The following RNF213 variants were observed in gnomAD, a reference collection of about 807,000 sequenced individuals.
RNF213 encodes the protein E3 ubiquitin-protein ligase RNF213.
In RNF213, 341 loss-of-function variants were observed where a neutral mutation model predicts 514.4. That is an observed-to-expected ratio of 0.66 (90% CI 0.61 to 0.73). RNF213 has a LOEUF of 0.73. RNF213 is among the 30% of genes least tolerant of loss of function. The probability of loss-of-function intolerance (pLI) is 0.00; values close to 1 mark genes in which losing one functional copy is unlikely to be tolerated. For missense variants in RNF213, 5,767 were observed against 6,615.6 expected (o/e 0.87, Z 4.45); for synonymous variants, 2,655 against 2,658.2 (o/e 1.00, Z 0.04).
intron 2 of RNF213, among the ~76,000 whole-genome samples, chr17:80,267,692 A>G (rs994899181): frequency 6.6e-5 from 10 of 152,230 alleles, no homozygotes; most frequent in Non-Finnish European, 1.0e-4. Flanking sequence ...AGGTTTTAGG[A>G]AAGCAGTCAT....
At chr17:80,311,368 G>A (rs895787685) in intron 14 of RNF213, among the ~76,000 whole-genome samples, 15 of 152,214 alleles carry the variant, frequency 9.9e-5, no homozygotes, top group African/African-American at 2.4e-4. Flanking sequence ...CCTCTGAGCG[G>A]TCATTCAGTT....
At chr17:80,366,846 A>T (rs1006754256) in intron 42 of RNF213, among the ~76,000 whole-genome samples, 12 of 152,246 alleles carry the variant, frequency 7.9e-5, no homozygotes, top group Non-Finnish European at 1.6e-4. Flanking sequence ...GGTAGACATA[A>T]TATTAAGATG....
Position 80,288,020 on chromosome 17 carries a change from C to A in RNF213, c.467C>A (p.Thr156Lys), listed in dbSNP as rs577975389. 1 of 1,595,958 alleles carries A rather than the reference C, an allele frequency of 6.3e-7. No homozygotes were observed. Among genetic ancestry groups the A allele is most frequent in the Non-Finnish European group, 8.5e-7 (1 of 1,171,680 alleles). ...AGCCAGCCCCCAGGCACAGCCACCACGCCACTGGAGGGTGACGGCCTCTCC... is the reference window on the plus strand; with the variant it reads ...AGCCAGCCCCCAGGCACAGCCACCAAGCCACTGGAGGGTGACGGCCTCTCC... ...QPSQPPGTAT[T>K]PLEGDGLSAP... The change falls in exon 4 of 68, where the codon ACG (threonine) becomes AAG (lysine). Residue 156 changes from threonine (T) to lysine (K), a missense_variant. This residue lies in a region of RNF213 where 509 missense variants were observed against 496.7 expected (regional missense o/e 1.02). Transcript: ENST00000582970. The surrounding 1 kb of genome is among the most constrained non-coding windows in gnomAD (Gnocchi z 4.9).
At chr17:80,319,658 T>C (rs1452801525) in intron 17 of RNF213, 1 of 1,486,886 alleles carries the variant, frequency 6.7e-7, no homozygotes, top group Non-Finnish European at 8.9e-7. Flanking sequence ...TAACACTTGC[T>C]CAGTAGGTGT....
rs780733814 is a variant in RNF213, at chr17:80,319,266, A to G, written c.2978A>G (p.Lys993Arg). Residue 993 changes from lysine to arginine, a missense_variant, in exon 17 of 68, where the codon AAG becomes AGG. Around this residue, in one of 13 missense-constraint regions of RNF213, gnomAD observed 516 missense variants for 566.5 expected, o/e 0.91. Transcript: ENST00000582970. ...AAAGGCTTAGAGGACAGTGTGGCCA[A>G]GACCTTCGAGAAATGCATCATTGAA... ...DTKGLEDSVA[K>R]TFEKCIIEAV... is the part of the protein sequence containing the mutation. 8.7e-6 allele frequency: 14 copies of G among 1,614,220 alleles called. No individual in the cohort carries two copies. In the South Asian group the frequency reaches 1.5e-4, roughly 18 times the overall value.
intron 49 of RNF213, 92 bp downstream of exon 49, chr17:80,373,257 C>CTCACA: frequency 1.0e-6 from 1 of 996,274 alleles, no homozygotes; most frequent in Non-Finnish European, 1.4e-6. Flanking sequence ...ACACCCTACC[C>CTCACA]CCCCCACACC....
chr17:80,296,310 G>A (rs1162725710), intron 10 of RNF213, among the ~76,000 whole-genome samples: 3 of 152,174 alleles, frequency 2.0e-5, no homozygotes, highest in Non-Finnish European at 2.9e-5. Context: ...GTGAGCCACC[G>A]TGCTGGGTCT....
intron 42 of RNF213, chr17:80,364,825 T>C: frequency 2.2e-6 from 1 of 445,144 alleles, no homozygotes; most frequent in South Asian, 2.1e-5. Context: ...GCAGGGAACA[T>C]GCTTGTGAAA....
rs1196281895 is a variant in RNF213 at position 80,373,002 on chromosome 17, T to C, written c.12779T>C (p.Leu4260Pro). The stretch of plus-strand genomic sequence containing the variant: ...ATGGCCAAGGAGAAGCAGTGCTACC[T>C]GCAGCAAGTCAAGCAGTTCTGTATC... ...PEMAKEKQCY[L>P]QQVKQFCIRV... The change falls in exon 49 of 68, where the codon CTG (leucine) becomes CCG (proline). Residue 4260 changes from leucine to proline, a missense_variant. Transcript: ENST00000582970. 2 of 1,613,976 alleles carry C rather than the reference T, an allele frequency of 1.2e-6. No individual in the cohort carries two copies. The highest frequency in any genetic ancestry group is 1.7e-6 in the Non-Finnish European group (2 of 1,179,980).
intron 32 of RNF213, 170 bp downstream of exon 32, chr17:80,351,973 G>C: frequency 4.0e-6 from 2 of 496,818 alleles, no homozygotes; most frequent in Admixed American, 3.3e-5. Context: ...TCCTGCCTCA[G>C]CCTCCCAAGT....
At chr17:80,313,528 T>G (rs1001340136) in intron 15 of RNF213, among the ~76,000 whole-genome samples, 5 of 114,806 alleles carry the variant, frequency 4.4e-5, no homozygotes, top group African/African-American at 1.7e-4. Context: ...GTGGTGAAGG[T>G]GATGGTGATG....
rs965704579 is a variant in RNF213, at chr17:80,394,493, T to C, written c.*995T>C. On this transcript the variant is annotated 3_prime_UTR_variant, in exon 68 of 68. Coordinates refer to ENST00000582970, the MANE Select transcript of RNF213 (RefSeq NM_001256071.3). ...CCCCGAGCCCGGATCTTGTGCTGCT[T>C]TTCTCACTGACGTGTTGCCTTTTTT... The C allele has an allele frequency of 1.1e-4, 16 of 152,214 alleles. No homozygotes were observed. Among genetic ancestry groups the C allele is most frequent in the African/African-American group, 3.9e-4 (16 of 41,442 alleles). 9.4% of individuals were successfully genotyped at this position (152,214 alleles called of 1,614,324 possible).
chr17:80,298,723 G>A, intron 11 of RNF213: 2 of 583,916 alleles, frequency 3.4e-6, no homozygotes, highest in South Asian at 3.7e-5. Flanking sequence ...CCAGCACTTT[G>A]GGAGGCTGAG....
chr17:80,280,025 T>TA (rs1183909670), intron 3 of RNF213, among the ~76,000 whole-genome samples: 1 of 152,108 alleles, frequency 6.6e-6, no homozygotes, highest in Non-Finnish European at 1.5e-5. Context: ...AACGGAGACT[T>TA]ACCGAGCATC....
intron 3 of RNF213, among the ~76,000 whole-genome samples, chr17:80,278,488 C>T (rs1443752193): frequency 6.6e-6 from 1 of 152,164 alleles, no homozygotes; most frequent in African/African-American, 2.4e-5. Context: ...TGCCGTGAGC[C>T]TGGCAGGGTG....
chr17:80,289,488 G>A (rs577031372), intron 5 of RNF213, among the ~76,000 whole-genome samples, 171 bp from the exon 6 acceptor site: 1 of 152,182 alleles, frequency 6.6e-6, no homozygotes, highest in East Asian at 1.9e-4. Flanking sequence ...TACTCGGGAG[G>A]CTGTCGCAGG....
chr17:80,379,248 C>T (rs2079887402), intron 54 of RNF213, among the ~76,000 whole-genome samples: 1 of 152,152 alleles, frequency 6.6e-6, no homozygotes, highest in South Asian at 2.1e-4. Context: ...AGTTTGGAAG[C>T]TCTTCTAGTA....
In RNF213 at chr17:80,364,513, T is replaced by G. The variant is rs767376348; in HGVS notation, c.11831T>G (p.Leu3944Ter). ...LLGTESRVPE[L>*]QGLVTEHVFL... ...GGAACCGAGAGCCGCGTCCCCGAGT[T>G]ACAGGGGCTGGTGACCGAGCACGTC... The change falls in exon 42 of 68, where the codon TTA becomes TGA. Residue 3944 changes from leucine (L) to a stop codon, truncating the protein, a stop_gained. Transcript: ENST00000582970. LOFTEE classifies it high-confidence loss of function. 1 of 1,614,100 alleles carries G rather than the reference T, an allele frequency of 6.2e-7. No individual in the cohort carries two copies. Among genetic ancestry groups the G allele is most frequent in the East Asian group, 2.2e-5 (1 of 44,868 alleles).
rs2044573699 is a variant in RNF213, at chr17:80,288,870, G to C, written c.933+115G>C. ...GTGCTGGGGATATAGCCATGATTCA[G>C]ACAAAGCTCTGGCCTTCGGGGTGCT... On this transcript the variant is annotated intron_variant, in intron 5 of 67. Coordinates refer to ENST00000582970, the MANE Select transcript of RNF213 (RefSeq NM_001256071.3). The surrounding 1 kb of genome is among the most constrained non-coding windows in gnomAD (Gnocchi z 4.9). 6.4e-7 allele frequency: 1 copy of C among 1,565,748 alleles called. No individual in the cohort carries two copies. Among genetic ancestry groups the C allele is most frequent in the South Asian group, 1.1e-5 (1 of 89,236 alleles).
Sources: allele counts gnomAD v4.1 joint callset (sites outside exome capture counted in the v4.1 genomes callset), GRCh38; gene constraint gnomAD v4.1.1; regional missense constraint gnomAD v4.1.1; non-coding constraint Gnocchi (gnomAD v3.1); transcripts MANE v1.5; gene names NCBI Gene and HGNC (gene_info 2026-07-23, HGNC 2026-07-21).